CDH20: variants seen among roughly 807,000 people sequenced by gnomAD.
CDH20 encodes the protein cadherin-20.
In CDH20, 29 loss-of-function variants were observed where a neutral mutation model predicts 74.2. That is an observed-to-expected ratio of 0.39 (90% CI 0.29 to 0.53). The LOEUF (loss-of-function observed/expected upper bound fraction) is 0.53. Ranked by LOEUF, CDH20 falls within the 20% of genes least tolerant of loss-of-function variation. The probability of loss-of-function intolerance (pLI) is 0.69; values close to 1 mark genes in which losing one functional copy is unlikely to be tolerated. For synonymous variants in CDH20, 469 were observed against 405.4 expected (o/e 1.16, Z -1.88); for missense variants, 988 against 1,048.3 (o/e 0.94, Z 0.79).
chr18:61,490,084 A>G (rs1910901608), intron 1 of CDH20, among the ~76,000 whole-genome samples: 1 of 152,172 alleles, frequency 6.6e-6, no homozygotes, highest in African/African-American at 2.4e-5. Flanking sequence ...AAATATTTCA[A>G]AGAGCACACT....
Position 61,340,307 on chromosome 18 carries a change from A to G in CDH20, c.-153+6480A>G, listed in dbSNP as rs1909906176. ...CCCAGAGAACAGTACATAGTGTAATATGTTGGCATAATTGGGAGCTAGCAG... is the reference window on the plus strand; with the variant it reads ...CCCAGAGAACAGTACATAGTGTAATGTGTTGGCATAATTGGGAGCTAGCAG... On this transcript the variant is annotated intron_variant, in intron 1 of 11. Coordinates refer to ENST00000262717, the MANE Select transcript of CDH20 (RefSeq NM_031891.4). Among the ~76,000 whole-genome samples the G allele has an allele frequency of 2.1e-5, 3 of 145,988 alleles. No homozygotes were observed. In the Admixed American group the frequency reaches 2.2e-4, roughly 11 times the overall value.
intron 1 of CDH20, among the ~76,000 whole-genome samples, chr18:61,483,173 T>TC (rs1313255672): frequency 6.6e-6 from 1 of 152,314 alleles, no homozygotes; most frequent in African/African-American, 2.4e-5. Flanking sequence ...CCTGTAACCC[T>TC]CATCACCAAT....
intron 1 of CDH20, among the ~76,000 whole-genome samples, chr18:61,482,724 ACCATAAGCAAT>A (rs150392220): frequency 0.99 from 150,812 of 152,076 alleles, 74,797 homozygotes; most frequent in Middle Eastern, 1. Context: ...TCAACTCCTA[ACCATAAGCAAT>A]CCTCCCCCAA....
intron 2 of CDH20, among the ~76,000 whole-genome samples, chr18:61,491,179 G>GT (rs1174030684): frequency 2.6e-5 from 4 of 151,972 alleles, no homozygotes; most frequent in South Asian, 2.1e-4. Context: ...TTTTTGTGGG[G>GT]TTTTTTTCAG....
chr18:61,528,273 TG>T, intron 7 of CDH20, 53 bp downstream of exon 7: 1 of 1,565,908 alleles, frequency 6.4e-7, no homozygotes. Flanking sequence ...TCCCTTCCCT[TG>T]TATGTAATTT....
At chr18:61,397,310 T>C (rs1176599725) in intron 1 of CDH20, among the ~76,000 whole-genome samples, 1 of 152,164 alleles carries the variant, frequency 6.6e-6, no homozygotes, top group Non-Finnish European at 1.5e-5. Flanking sequence ...TAATTTTCTC[T>C]GCCTCATAAA....
intron 1 of CDH20, among the ~76,000 whole-genome samples, chr18:61,380,561 G>A (rs1228549975): frequency 6.6e-6 from 1 of 152,198 alleles, no homozygotes; most frequent in African/African-American, 2.4e-5. Flanking sequence ...AGTAATCCCA[G>A]TAGTTTGGGA....
intron 1 of CDH20, among the ~76,000 whole-genome samples, chr18:61,406,211 T>G (rs2144237227): frequency 6.6e-6 from 1 of 152,358 alleles, no homozygotes; most frequent in Middle Eastern, 3.4e-3. Flanking sequence ...ATTTTTCATG[T>G]ATTATTTCCT....
intron 1 of CDH20, among the ~76,000 whole-genome samples, chr18:61,415,889 G>A (rs991898052): frequency 6.6e-6 from 1 of 152,026 alleles, no homozygotes; most frequent in African/African-American, 2.4e-5. Flanking sequence ...GAAAGCTGAA[G>A]AATTACTAAT....
intron 1 of CDH20, among the ~76,000 whole-genome samples, chr18:61,366,965 A>G (rs1263121155): frequency 1.3e-5 from 2 of 152,186 alleles, no homozygotes; most frequent in African/African-American, 4.8e-5. Context: ...GGTAAAATCA[A>G]TTCCTAATTC....
chr18:61,419,428 CATTT>C (rs536712803), intron 1 of CDH20, among the ~76,000 whole-genome samples: 1 of 152,124 alleles, frequency 6.6e-6, no homozygotes, highest in South Asian at 2.1e-4. Context: ...TGTGTATATT[CATTT>C]GTGTACAAAA....
intron 1 of CDH20, among the ~76,000 whole-genome samples, chr18:61,465,994 A>T (rs1188803544): frequency 2.0e-5 from 3 of 152,006 alleles, no homozygotes; most frequent in Non-Finnish European, 2.9e-5. Flanking sequence ...CAGGTGGTTG[A>T]GGCTGCAGTG....
chr18:61,548,333 G>C (rs1035483029), intron 10 of CDH20, among the ~76,000 whole-genome samples: 12 of 152,170 alleles, frequency 7.9e-5, no homozygotes, highest in African/African-American at 2.9e-4. Flanking sequence ...AGAGAGACCA[G>C]AGTTCAAATC....
chr18:61,555,401 C>T lies in CDH20; in HGVS notation c.*706C>T. 1.0e-6 allele frequency: 1 copy of T among 985,468 alleles called. No homozygotes were observed. The highest frequency in any genetic ancestry group is 1.2e-6 in the Non-Finnish European group (1 of 829,952). 61.0% of individuals were successfully genotyped at this position (985,468 alleles called of 1,614,324 possible). ...CATCAAGTTAGAGTGCTCGTGTCTC[C>T]TCTCAGCTATTTAACTGTGCCCCTG... On this transcript the variant is annotated 3_prime_UTR_variant, in exon 12 of 12. Coordinates refer to ENST00000262717, the MANE Select transcript of CDH20 (RefSeq NM_031891.4).
Position 61,490,615 on chromosome 18 carries a change from A to G in CDH20, c.62A>G (p.Tyr21Cys), listed in dbSNP as rs778142862. 21 of 1,614,048 alleles carry G rather than the reference A, an allele frequency of 1.3e-5. No individual in the cohort carries two copies. The highest frequency in any genetic ancestry group is 1.7e-5 in the Admixed American group (1 of 60,014). The change falls in exon 2 of 12, where the codon TAC becomes TGC. Residue 21 changes from tyrosine to cysteine, a missense_variant. Tyr to Cys is a radical substitution (Grantham distance 194). This residue lies in a region of CDH20 where 613 missense variants were observed against 755.2 expected (regional missense o/e 0.81). Coordinates refer to ENST00000262717, the MANE Select transcript of CDH20 (RefSeq NM_031891.4). ...KNWLGLGMSL[Y>C]FWGLMDLTTT... Reference sequence around the variant, plus strand: ...TGGCTTGGACTTGGCATGTCCTTGTACTTCTGGGGGCTGATGGACCTTACG... The same window carrying G: ...TGGCTTGGACTTGGCATGTCCTTGTGCTTCTGGGGGCTGATGGACCTTACG...
At position 61,395,465 on chromosome 18, in the gene CDH20, G is replaced by A. The variant is rs1599056677; in HGVS notation, c.-153+61638G>A. On this transcript the variant is annotated intron_variant, in intron 1 of 11. Transcript: ENST00000262717. The stretch of plus-strand genomic sequence containing the variant: ...TTCTTGGTCGATGCCTTCCATACAT[G>A]TGTGGATGACCCATCCCAAACCTGG... Among the ~76,000 whole-genome samples, 4 of 152,208 alleles carry A rather than the reference G, an allele frequency of 2.6e-5. No homozygotes were observed. The East Asian group carries it at 7.7e-4, about 29-fold the overall frequency.
chr18:61,550,213 C>T lies in CDH20; in HGVS notation c.1884C>T (p.Cys628=), dbSNP rs1913385946. 6.2e-7 allele frequency: 1 copy of T among 1,613,592 alleles called. No individual in the cohort carries two copies. Among genetic ancestry groups the T allele is most frequent in the Non-Finnish European group, 8.5e-7 (1 of 1,179,838 alleles). Residue 628 remains cysteine (C), a synonymous_variant, in exon 11 of 12, where the codon TGC becomes TGT. Coordinates refer to ENST00000262717, the MANE Select transcript of CDH20 (RefSeq NM_031891.4). ...GCGCCCTCATTGCCATCCTCGCCTG[C>T]ATCTTTGTCCTCTTAGGTGAGTAAG... ...SRGALIAILA[C]IFVLLVLVLL...
intron 5 of CDH20, 35 bp downstream of exon 5, chr18:61,503,155 G>T: frequency 6.6e-7 from 1 of 1,505,228 alleles, no homozygotes; most frequent in Non-Finnish European, 8.9e-7. Flanking sequence ...CAGACCTCGG[G>T]CCCAGAGGGA....
At chr18:61,385,058 G>A (rs905369496) in intron 1 of CDH20, among the ~76,000 whole-genome samples, 12 of 151,964 alleles carry the variant, frequency 7.9e-5, no homozygotes, top group African/African-American at 1.9e-4. Context: ...AATAATTAAC[G>A]TTTAGAAACG....
Sources: allele counts gnomAD v4.1 joint callset (sites outside exome capture counted in the v4.1 genomes callset), GRCh38; gene constraint gnomAD v4.1.1; regional missense constraint gnomAD v4.1.1; transcripts MANE v1.5; gene names NCBI Gene and HGNC (gene_info 2026-07-23, HGNC 2026-07-21).